The following NXPE1 variants were observed in gnomAD, a reference collection of about 807,000 sequenced individuals.
The protein encoded by NXPE1 is neurexophilin and PC-esterase domain family member 1.
A neutral mutation model predicts 33.3 loss-of-function variants in NXPE1; 31 were observed. The ratio of observed to expected loss-of-function variants is 0.93; its 90% confidence interval spans 0.70 to 1.26. NXPE1 has a LOEUF of 1.26. NXPE1 is among the 50% of genes most tolerant of loss of function. The pLI is 0.00. For synonymous variants in NXPE1, 229 were observed against 231.4 expected (o/e 0.99, Z 0.09); for missense variants, 661 against 655.6 (o/e 1.01, Z -0.09).
At chr11:114,519,334 T>TA (rs1246226144), downstream of NXPE1, among the ~76,000 whole-genome samples, 4 of 152,160 alleles carry the variant, frequency 2.6e-5, no homozygotes, top group African/African-American at 9.7e-5. Context: ...CATTAACACT[T>TA]ATTCCTGGTT....
At chr11:114,520,667 A>AG (rs1360768309), downstream of NXPE1, among the ~76,000 whole-genome samples, 1 of 152,166 alleles carries the variant, frequency 6.6e-6, no homozygotes, top group Non-Finnish European at 1.5e-5. Flanking sequence ...TTCTGTTTTT[A>AG]GGGGAACTGC....
At chr11:114,522,082 G>T in exon 9 of NXPE1, 1 of 1,613,944 alleles carries the variant, frequency 6.2e-7, no homozygotes, top group Non-Finnish European at 8.5e-7. Flanking sequence ...TGATGCCCAC[G>T]TTGAGGTCTT....
rs537036315 is a variant in NXPE1, at chr11:114,530,627, G to A, written c.381C>T (p.His127=). Reference sequence around the variant, plus strand: ...CACCATATTGCTTCCTCTGTCCCAAGTGGTCCCTCACCTCCAGTAGGATGT... The same window carrying A: ...CACCATATTGCTTCCTCTGTCCCAAATGGTCCCTCACCTCCAGTAGGATGT... Residue 127 remains histidine, a synonymous_variant, in exon 6 of 9, where the codon CAC becomes CAT. Coordinates refer to ENST00000534921, the Ensembl canonical transcript of NXPE1. The A allele has an allele frequency of 2.5e-6, 4 of 1,614,150 alleles. No individual in the cohort carries two copies. In the South Asian group the frequency reaches 3.3e-5, roughly 13 times the overall value.
intron 5 of NXPE1, among the ~76,000 whole-genome samples, chr11:114,545,863 A>AT (rs1948261779): frequency 6.6e-6 from 1 of 151,702 alleles, no homozygotes. Context: ...TAATTTTTGT[A>AT]TTTTTTTAAT....
chr11:114,534,215 G>T (rs1282544436), intron 5 of NXPE1, among the ~76,000 whole-genome samples: 1 of 152,218 alleles, frequency 6.6e-6, no homozygotes, highest in South Asian at 2.1e-4. Context: ...CAGACCTGCA[G>T]CTGAGGGTTC....
chr11:114,519,962 G>GCCCAC (rs1354123956), downstream of NXPE1, among the ~76,000 whole-genome samples: 117 of 118,904 alleles, frequency 9.8e-4, no homozygotes, highest in Non-Finnish European at 1.6e-3. Flanking sequence ...TGCCATCTCG[G>GCCCAC]CGAGCTTGCC....
chr11:114,543,585 A>G (rs1948175983), intron 5 of NXPE1, among the ~76,000 whole-genome samples: 1 of 152,026 alleles, frequency 6.6e-6, no homozygotes, highest in Non-Finnish European at 1.5e-5. Context: ...CATAAGAGAC[A>G]TACTTATGGC....
chr11:114,527,955 A>G, intron 6 of NXPE1, 54 bp from the exon 7 acceptor site: 4 of 1,355,960 alleles, frequency 2.9e-6, no homozygotes, highest in Non-Finnish European at 4.1e-6. Flanking sequence ...CATGTAACAC[A>G]GGTGAATCAT....
At chr11:114,525,173 C>T (rs1024071367) in intron 7 of NXPE1, among the ~76,000 whole-genome samples, 2 of 151,672 alleles carry the variant, frequency 1.3e-5, no homozygotes, top group African/African-American at 4.8e-5. Context: ...CTTGTAAGTC[C>T]CTACTAAATG....
chr11:114,548,907 A>G (rs1317542275), intron 5 of NXPE1, among the ~76,000 whole-genome samples: 4 of 152,046 alleles, frequency 2.6e-5, no homozygotes, highest in African/African-American at 9.6e-5. Flanking sequence ...ACAAGCCACT[A>G]GTGAATCTAA....
intron 7 of NXPE1, among the ~76,000 whole-genome samples, chr11:114,525,654 A>G (rs1222955064): frequency 1.3e-5 from 2 of 152,336 alleles, no homozygotes; most frequent in Middle Eastern, 6.8e-3. Flanking sequence ...AGGTCACAAC[A>G]TATGCCTGAG....
chr11:114,546,101 G>A (rs1337964477), intron 5 of NXPE1, among the ~76,000 whole-genome samples: 1 of 152,190 alleles, frequency 6.6e-6, no homozygotes, highest in Middle Eastern at 3.2e-3. Context: ...ACAAATGTAT[G>A]ACATAACCTT....
chr11:114,557,666 T>TAAA (rs1948688229), intron 1 of NXPE1, among the ~76,000 whole-genome samples: 1 of 128,358 alleles, frequency 7.8e-6, no homozygotes, highest in East Asian at 2.1e-4. Context: ...TATATATATA[T>TAAA]ATATATAAAA....
intron 5 of NXPE1, among the ~76,000 whole-genome samples, chr11:114,533,069 G>C (rs994882574): frequency 6.6e-6 from 1 of 152,116 alleles, no homozygotes. Context: ...TCAACATAAC[G>C]TTAGAAGTCC....
chr11:114,540,760 G>T (rs1948062756), intron 5 of NXPE1, among the ~76,000 whole-genome samples: 1 of 149,538 alleles, frequency 6.7e-6, no homozygotes, highest in Non-Finnish European at 1.5e-5. Context: ...ATTAAGAGGA[G>T]GTAAGTTTCC....
rs538568631 is a variant in NXPE1 at position 114,538,009 on chromosome 11, C to T, written c.100-7101G>A. ...CAAAAGAACAAAGCTGGAGGCATCC[C>T]GCTACCTGACTTCAAACTATACTAC... On this transcript the variant is annotated intron_variant, in intron 5 of 8. Coordinates refer to ENST00000534921, the Ensembl canonical transcript of NXPE1. Among the ~76,000 whole-genome samples, 54 of 152,158 alleles carry T rather than the reference C, an allele frequency of 3.5e-4. 1 individual carries two copies. The highest frequency in any genetic ancestry group is 9.6e-4 in the African/African-American group (40 of 41,510).
chr11:114,540,822 A>G (rs1366360456), intron 5 of NXPE1, among the ~76,000 whole-genome samples: 1 of 143,152 alleles, frequency 7.0e-6, no homozygotes, highest in Non-Finnish European at 1.5e-5. Context: ...TAGCTAAAAC[A>G]CAATAGAAAG....
At chr11:114,538,130 C>A (rs1040952530) in intron 5 of NXPE1, among the ~76,000 whole-genome samples, 1 of 152,246 alleles carries the variant, frequency 6.6e-6, no homozygotes, top group African/African-American at 2.4e-5. Flanking sequence ...TGCCACATAT[C>A]TACAACTATC....
At chr11:114,547,527 G>A (rs538570025) in intron 5 of NXPE1, among the ~76,000 whole-genome samples, 1 of 152,160 alleles carries the variant, frequency 6.6e-6, no homozygotes, top group African/African-American at 2.4e-5. Context: ...TTGAGGTTAG[G>A]AGTTTGAGAC....
Sources: allele counts gnomAD v4.1 joint callset (sites outside exome capture counted in the v4.1 genomes callset), GRCh38; gene constraint gnomAD v4.1.1; transcripts MANE v1.5; gene names NCBI Gene and HGNC (gene_info 2026-07-23, HGNC 2026-07-21).